The following ANKRD44 variants were observed in gnomAD, a reference collection of about 807,000 sequenced individuals.
ANKRD44 encodes the protein serine/threonine-protein phosphatase 6 regulatory ankyrin repeat subunit B.
In ANKRD44, 35 loss-of-function variants were observed where a neutral mutation model predicts 116.0. The ratio of observed to expected loss-of-function variants is 0.30; its 90% CI spans 0.23 to 0.40. The LOEUF is 0.40. Among genes scored for constraint, ANKRD44 ranks in the 10% least tolerant of loss-of-function variants. ANKRD44 has a pLI of 1.00. For missense variants in ANKRD44, 1,014 were observed against 1,242.6 expected (o/e 0.82, Z 2.77); for synonymous variants, 435 against 461.8 (o/e 0.94, Z 0.74).
intron 16 of ANKRD44, among the ~76,000 whole-genome samples, chr2:197,072,796 C>T (rs929909410): frequency 6.6e-6 from 1 of 152,146 alleles, no homozygotes; most frequent in Admixed American, 6.5e-5. Context: ...ACTGAACCAG[C>T]GAGTCATGGA....
chr2:197,231,652 C>T (rs1449022521), intron 1 of ANKRD44, among the ~76,000 whole-genome samples: 3 of 151,506 alleles, frequency 2.0e-5, no homozygotes, highest in African/African-American at 7.3e-5. Flanking sequence ...ATCTAGTAGG[C>T]AGAGGCCCGG....
At chr2:197,143,041 G>C in intron 3 of ANKRD44, among the ~76,000 whole-genome samples, 1 of 150,076 alleles carries the variant, frequency 6.7e-6, no homozygotes, top group South Asian at 2.1e-4. Context: ...ATTTTACTTA[G>C]TAGTTATGCC....
intron 16 of ANKRD44, among the ~76,000 whole-genome samples, chr2:197,041,132 GCC>G (rs2076903246): frequency 6.6e-6 from 1 of 152,128 alleles, no homozygotes; most frequent in Non-Finnish European, 1.5e-5. Flanking sequence ...TTAAGAAGGT[GCC>G]TTTCCCTTCT....
At chr2:197,218,004 T>C (rs776132663) in intron 1 of ANKRD44, among the ~76,000 whole-genome samples, 5 of 152,184 alleles carry the variant, frequency 3.3e-5, no homozygotes, top group Non-Finnish European at 7.3e-5. Context: ...GCAATAGTGC[T>C]AGTATTTACA....
chr2:197,205,480 C>T (rs1451974170), intron 1 of ANKRD44, among the ~76,000 whole-genome samples: 1 of 152,178 alleles, frequency 6.6e-6, no homozygotes, highest in South Asian at 2.1e-4. Flanking sequence ...ACCCCATTTC[C>T]CTGAGAAAGA....
intron 16 of ANKRD44, chr2:197,078,034 G>C (rs1481213991): frequency 6.6e-6 from 1 of 152,096 alleles, no homozygotes; most frequent in East Asian, 1.9e-4. Flanking sequence ...TCTATACAAA[G>C]AAGGTGTTAG....
At chr2:197,125,212 C>T (rs1359590630) in intron 6 of ANKRD44, among the ~76,000 whole-genome samples, 169 bp downstream of exon 6, 1 of 152,188 alleles carries the variant, frequency 6.6e-6, no homozygotes, top group African/African-American at 2.4e-5. Flanking sequence ...AGCAACTGCC[C>T]GACTGGAGTG....
intron 15 of ANKRD44, 50 bp downstream of exon 15, chr2:197,081,595 G>C: frequency 6.5e-7 from 1 of 1,545,026 alleles, no homozygotes; most frequent in Non-Finnish European, 8.9e-7. Context: ...CAGAAAAGCA[G>C]AAGAAGCGTC....
intron 9 of ANKRD44, among the ~76,000 whole-genome samples, chr2:197,100,347 A>G (rs2078262756): frequency 6.6e-6 from 1 of 152,180 alleles, no homozygotes; most frequent in South Asian, 2.1e-4. Context: ...AGGCAGGAGA[A>G]TCGCTTGGAC....
At chr2:197,290,808 G>GT (rs1193277611) in intron 1 of ANKRD44, among the ~76,000 whole-genome samples, 1 of 150,856 alleles carries the variant, frequency 6.6e-6, no homozygotes, top group Non-Finnish European at 1.5e-5. Context: ...TTTGTTTTTT[G>GT]TTTTTTGTTT....
intron 1 of ANKRD44, 85 bp downstream of exon 1, chr2:197,310,493 G>A (rs2084220811): frequency 1.2e-5 from 11 of 928,072 alleles, no homozygotes; most frequent in Non-Finnish European, 1.3e-5. Flanking sequence ...TCGCGGGCGC[G>A]CTCCAGCCGC....
At chr2:197,068,806 T>C (rs534901983) in intron 16 of ANKRD44, among the ~76,000 whole-genome samples, 8 of 152,178 alleles carry the variant, frequency 5.3e-5, no homozygotes, top group Non-Finnish European at 1.2e-4. Context: ...CAACAGGTGC[T>C]GGAGAGGATG....
intron 8 of ANKRD44, among the ~76,000 whole-genome samples, chr2:197,117,045 C>T (rs764511261): frequency 6.6e-6 from 1 of 152,086 alleles, no homozygotes; most frequent in African/African-American, 2.4e-5. Context: ...GGAGAAGACA[C>T]TATTGTTTCC....
chr2:197,145,877 T>C (rs1269705684), intron 3 of ANKRD44, among the ~76,000 whole-genome samples: 3 of 152,198 alleles, frequency 2.0e-5, no homozygotes, highest in African/African-American at 7.2e-5. Context: ...TTTTGACTAG[T>C]CTGTAGGCAG....
intron 2 of ANKRD44, among the ~76,000 whole-genome samples, chr2:197,165,099 G>A (rs1415869858): frequency 2.6e-5 from 4 of 152,186 alleles, no homozygotes; most frequent in African/African-American, 9.7e-5. Flanking sequence ...CTATCACATG[G>A]TTAGCACTCA....
intron 1 of ANKRD44, among the ~76,000 whole-genome samples, chr2:197,273,268 GACA>G (rs1295764159): frequency 6.6e-6 from 1 of 152,186 alleles, no homozygotes; most frequent in Admixed American, 6.5e-5. Context: ...GATTCTGATA[GACA>G]ACAAGCTCCT....
intron 18 of ANKRD44, among the ~76,000 whole-genome samples, chr2:197,010,869 C>A (rs1212769613): frequency 1.3e-5 from 2 of 152,188 alleles, no homozygotes; most frequent in Non-Finnish European, 2.9e-5. Context: ...TGCTTGCCAG[C>A]CACGAGAGAA....
chr2:197,084,055 T>C (rs191639482), intron 13 of ANKRD44, among the ~76,000 whole-genome samples: 3 of 152,342 alleles, frequency 2.0e-5, no homozygotes, highest in African/African-American at 7.2e-5. Flanking sequence ...ATGAAGAATT[T>C]TTTTTAAGGT....
chr2:197,246,236 G>T (rs942332726), intron 1 of ANKRD44, among the ~76,000 whole-genome samples: 6 of 151,118 alleles, frequency 4.0e-5, no homozygotes, highest in Non-Finnish European at 8.8e-5. Flanking sequence ...ACCCAGGCTG[G>T]AGTACAATGG....
Sources: gnomAD v4.1 joint callset for allele counts (sites outside exome capture counted in the v4.1 genomes callset) on GRCh38, gnomAD v4.1.1 for gene constraint, MANE v1.5 for transcripts, NCBI Gene and HGNC (gene_info 2026-07-23, HGNC 2026-07-21) for gene names.